Variants in BPNT1 observed in about 807,000 individuals in gnomAD.
BPNT1 encodes the protein 3'(2'),5'-bisphosphate nucleotidase 1.
A neutral mutation model predicts 36.9 loss-of-function variants in BPNT1; 28 were observed. The ratio of observed to expected loss-of-function variants is 0.76; its 90% confidence interval spans 0.56 to 1.04. The LOEUF is 1.04. Ranked by LOEUF, BPNT1 falls within the 50% of genes least tolerant of loss-of-function variation. The probability of loss-of-function intolerance (pLI) is 0.00; values close to 1 mark genes in which losing one functional copy is unlikely to be tolerated. For synonymous variants in BPNT1, 119 were observed against 130.9 expected (o/e 0.91, Z 0.62); for missense variants, 313 against 372.9 (o/e 0.84, Z 1.32).
At chr1:220,062,060 T>G (rs996860561) in intron 7 of BPNT1, among the ~76,000 whole-genome samples, 2 of 152,106 alleles carry the variant, frequency 1.3e-5, no homozygotes, top group African/African-American at 4.8e-5. Context: ...AAAACTTGAT[T>G]CTTAAATTTA....
intron 1 of BPNT1, among the ~76,000 whole-genome samples, chr1:220,087,657 AT>A (rs1405495552): frequency 2.6e-5 from 4 of 152,182 alleles, no homozygotes; most frequent in African/African-American, 4.8e-5. Context: ...TGAGAAAAAA[AT>A]ATTGTATCAC....
chr1:220,086,215 A>G (rs973927483), intron 1 of BPNT1, among the ~76,000 whole-genome samples: 3 of 152,208 alleles, frequency 2.0e-5, no homozygotes, highest in African/African-American at 7.2e-5. Context: ...TAGTGTTTCA[A>G]ATCATGGGGG....
chr1:220,081,340 T>A (rs1655101947), intron 1 of BPNT1, among the ~76,000 whole-genome samples: 1 of 152,042 alleles, frequency 6.6e-6, no homozygotes, highest in African/African-American at 2.4e-5. Flanking sequence ...GTCAGGAGTT[T>A]GAGACCAGCC....
intron 7 of BPNT1, among the ~76,000 whole-genome samples, 190 bp from the exon 8 acceptor site, chr1:220,059,981 T>G (rs1662874145): frequency 6.6e-6 from 1 of 152,128 alleles, no homozygotes; most frequent in Non-Finnish European, 1.5e-5. Context: ...ATACATAGAA[T>G]AAATGCATAA....
At chr1:220,073,787 C>T (rs1454228567) in intron 3 of BPNT1, among the ~76,000 whole-genome samples, 180 bp downstream of exon 3, 1 of 152,096 alleles carries the variant, frequency 6.6e-6, no homozygotes, top group Non-Finnish European at 1.5e-5. Flanking sequence ...AGAAATAGAC[C>T]AAAATGTCTT....
intron 6 of BPNT1, among the ~76,000 whole-genome samples, chr1:220,063,707 G>T (rs1378695529): frequency 1.3e-5 from 2 of 152,116 alleles, no homozygotes; most frequent in Non-Finnish European, 2.9e-5. Context: ...AATGTATTTG[G>T]CTGCTATGGA....
intron 2 of BPNT1, among the ~76,000 whole-genome samples, chr1:220,077,886 G>A (rs184339612): frequency 6.9e-4 from 105 of 152,116 alleles, no homozygotes; most frequent in African/African-American, 2.5e-3. Flanking sequence ...AGATTTAGGC[G>A]AAGTGTAATG....
intron 6 of BPNT1, among the ~76,000 whole-genome samples, chr1:220,063,988 G>A (rs1322244742): frequency 3.3e-5 from 5 of 152,060 alleles, no homozygotes; most frequent in African/African-American, 1.2e-4. Flanking sequence ...TAATATAGTA[G>A]ACATATATTA....
At chr1:220,060,057 C>T (rs1046637775) in intron 7 of BPNT1, among the ~76,000 whole-genome samples, 13 of 152,164 alleles carry the variant, frequency 8.5e-5, no homozygotes, top group Non-Finnish European at 1.8e-4. Flanking sequence ...TGAACTGTCT[C>T]CATATTCCAA....
At chr1:220,083,331 T>A (rs1655391919) in intron 1 of BPNT1, among the ~76,000 whole-genome samples, 1 of 144,096 alleles carries the variant, frequency 6.9e-6, no homozygotes, top group African/African-American at 2.6e-5. Flanking sequence ...CGGGTTTCTC[T>A]TTTTTTTTTT....
intron 1 of BPNT1, among the ~76,000 whole-genome samples, chr1:220,083,236 C>CAAA (rs539820488): frequency 8.9e-6 from 1 of 112,448 alleles, no homozygotes; most frequent in Admixed American, 8.8e-5. Context: ...GACTCCATCT[C>CAAA]AAAAAAAAAA....
intron 1 of BPNT1, among the ~76,000 whole-genome samples, chr1:220,082,085 T>TATATAGAG (rs1171093697): frequency 3.1e-4 from 32 of 103,278 alleles, no homozygotes; most frequent in African/African-American, 7.2e-4. Context: ...TATATATATA[T>TATATAGAG]AGAGAGAGAG....
chr1:220,073,788 A>G (rs1012820749), intron 3 of BPNT1, among the ~76,000 whole-genome samples, 179 bp downstream of exon 3: 3 of 152,246 alleles, frequency 2.0e-5, no homozygotes, highest in African/African-American at 4.8e-5. Flanking sequence ...GAAATAGACC[A>G]AAATGTCTTA....
intron 2 of BPNT1, among the ~76,000 whole-genome samples, chr1:220,077,438 T>C (rs551182862): frequency 3.6e-4 from 55 of 152,154 alleles, no homozygotes; most frequent in African/African-American, 1.3e-3. Flanking sequence ...TTTTACTCTG[T>C]TGCCCAGGCT....
At chr1:220,080,295 A>C (rs967164067) in intron 1 of BPNT1, among the ~76,000 whole-genome samples, 8 of 152,214 alleles carry the variant, frequency 5.3e-5, no homozygotes, top group African/African-American at 1.9e-4. Context: ...GCAGCGCCAA[A>C]AGAGGTATGA....
In BPNT1 at chr1:220,069,548, G is replaced by C. The variant is rs1055190064; in HGVS notation, c.334-116C>G. On this transcript the variant is annotated intron_variant, in intron 4 of 8. Coordinates refer to ENST00000322067, the MANE Select transcript of BPNT1 (RefSeq NM_006085.6). ...CCTGTTTGAAATTGTATTATGGATG[G>C]CTTAAATTAATGTCATCTGTTTTGA... 4 of 682,478 alleles carry C rather than the reference G, an allele frequency of 5.9e-6. No individual in the cohort carries two copies. The South Asian group carries it at 9.8e-5, about 17-fold the overall frequency. 42.3% of individuals were successfully genotyped at this position (682,478 alleles called of 1,614,324 possible). A position where few individuals can be genotyped will look rare whatever the true frequency, so the allele number is the denominator to read the frequency against.
chr1:220,068,710 T>C (rs1571751359), intron 5 of BPNT1, among the ~76,000 whole-genome samples: 1 of 151,608 alleles, frequency 6.6e-6, no homozygotes, highest in Non-Finnish European at 1.5e-5. Flanking sequence ...ACTTGGGAGG[T>C]GAGGCAGGAG....
chr1:220,079,194 T>C (rs536954356), intron 2 of BPNT1, among the ~76,000 whole-genome samples: 2 of 152,256 alleles, frequency 1.3e-5, no homozygotes, highest in South Asian at 2.1e-4. Context: ...GGGATAGATA[T>C]GGTTCAGAAG....
At chr1:220,069,320 T>C (rs1663831155) in intron 5 of BPNT1, 64 bp downstream of exon 5, 5 of 1,275,114 alleles carry the variant, frequency 3.9e-6, no homozygotes, top group Admixed American at 2.3e-5. Flanking sequence ...ATATCAAATA[T>C]TTACAACTAA....
Sources: allele counts gnomAD v4.1 joint callset (sites outside exome capture counted in the v4.1 genomes callset), GRCh38; gene constraint gnomAD v4.1.1; transcripts MANE v1.5; gene names NCBI Gene and HGNC (gene_info 2026-07-23, HGNC 2026-07-21).